The following SHOC1 variants were observed in gnomAD, a reference collection of about 807,000 sequenced individuals.
SHOC1 encodes the protein shortage in chiasmata 1, also known as protein shortage in chiasmata 1 ortholog.
Under a neutral mutation model 179.2 loss-of-function variants are expected in SHOC1, and 136 were observed. The observed-to-expected ratio is 0.76, with a 90% CI of 0.66 to 0.87. The LOEUF (loss-of-function observed/expected upper bound fraction) is 0.87. Ranked by LOEUF, SHOC1 falls within the 40% of genes least tolerant of loss-of-function variation. The pLI is 0.00. For synonymous variants in SHOC1, 489 were observed against 586.6 expected (o/e 0.83, Z 2.41); for missense variants, 1,538 against 1,700.8 (o/e 0.90, Z 1.68).
At chr9:111,719,638 T>C (rs1002297504) in intron 15 of SHOC1, among the ~76,000 whole-genome samples, 3 of 152,142 alleles carry the variant, frequency 2.0e-5, no homozygotes, top group Admixed American at 6.6e-5. Flanking sequence ...AGTATAATCA[T>C]TACCAGAATG....
intron 13 of SHOC1, among the ~76,000 whole-genome samples, chr9:111,724,930 T>C (rs1474296448): frequency 6.6e-6 from 1 of 152,038 alleles, no homozygotes. Flanking sequence ...ATCTAATAAA[T>C]GTTAGTTTTT....
At chr9:111,724,344 C>A (rs1833202548) in intron 13 of SHOC1, among the ~76,000 whole-genome samples, 1 of 151,574 alleles carries the variant, frequency 6.6e-6, no homozygotes, top group Non-Finnish European at 1.5e-5. Context: ...AATTCTTTTT[C>A]TTTTCTTTTT....
intron 16 of SHOC1, among the ~76,000 whole-genome samples, chr9:111,714,975 CTTGGTA>C (rs1373128423): frequency 6.6e-6 from 1 of 152,124 alleles, no homozygotes; most frequent in Non-Finnish European, 1.5e-5. Flanking sequence ...GTGGAATTTT[CTTGGTA>C]TTTTATCCGT....
Position 111,701,596 on chromosome 9 carries a change from A to G in SHOC1, c.3089+509T>C, listed in dbSNP as rs531455489. Among the ~76,000 whole-genome samples, 9 of 152,312 alleles carry G rather than the reference A, an allele frequency of 5.9e-5. No homozygotes were observed. The South Asian group carries it at 1.4e-3, about 25-fold the overall frequency. On this transcript the variant is annotated intron_variant, in intron 23 of 27. Transcript: ENST00000682961. ...CTTAAAATGCTTTACAAGAAAGTTC[A>G]AAGCTTAAAATGCTTTACGCCCTTT... is the stretch of plus-strand genomic sequence containing the variant.
At chr9:111,727,338 A>G (rs1833343283) in intron 13 of SHOC1, among the ~76,000 whole-genome samples, 2 of 152,200 alleles carry the variant, frequency 1.3e-5, no homozygotes, top group Admixed American at 1.3e-4. Context: ...TAGAGATACT[A>G]TGAATTTGTA....
chr9:111,739,094 T>C (rs1475147278), intron 11 of SHOC1, among the ~76,000 whole-genome samples: 1 of 152,028 alleles, frequency 6.6e-6, no homozygotes, highest in Non-Finnish European at 1.5e-5. Flanking sequence ...GGATTATAAA[T>C]TTTGAAACTC....
chr9:111,718,017 A>C (rs968910529), intron 16 of SHOC1, among the ~76,000 whole-genome samples, 167 bp downstream of exon 16: 2 of 152,216 alleles, frequency 1.3e-5, no homozygotes, highest in Non-Finnish European at 2.9e-5. Context: ...AGCAGAATAA[A>C]ATGTATATAT....
intron 12 of SHOC1, among the ~76,000 whole-genome samples, chr9:111,729,460 A>G (rs1833466059): frequency 6.6e-6 from 1 of 152,112 alleles, no homozygotes; most frequent in South Asian, 2.1e-4. Flanking sequence ...GGTGGTTGCT[A>G]AAGGTTGGTG....
At chr9:111,767,491 G>T (rs543435661) in intron 5 of SHOC1, among the ~76,000 whole-genome samples, 41 of 152,240 alleles carry the variant, frequency 2.7e-4, no homozygotes, top group African/African-American at 9.1e-4. Context: ...AGATGAGTTA[G>T]CTGTAAATGA....
At chr9:111,701,209 TCAAA>T (rs774675924) in intron 23 of SHOC1, among the ~76,000 whole-genome samples, 3 of 152,196 alleles carry the variant, frequency 2.0e-5, no homozygotes, top group Non-Finnish European at 4.4e-5. Context: ...CTAACATAAT[TCAAA>T]CAATTTCTTT....
chr9:111,710,708 G>A (rs1372328988), intron 18 of SHOC1, among the ~76,000 whole-genome samples: 1 of 152,086 alleles, frequency 6.6e-6, no homozygotes, highest in Non-Finnish European at 1.5e-5. Context: ...TGGCCTGAGA[G>A]CACAGAGGAA....
At position 111,693,413 on chromosome 9, in the gene SHOC1, C is replaced by T. The variant is rs190140089; in HGVS notation, c.3465+386G>A. Among the ~76,000 whole-genome samples, 278 of 126,462 alleles carry T rather than the reference C, an allele frequency of 2.2e-3. 2 individuals carry two copies. Among genetic ancestry groups the T allele is most frequent in the African/African-American group, 7.6e-3 (249 of 32,678 alleles). The allele number at this position is 126,462 out of a possible 152,430, so 83.0% of individuals were successfully genotyped here. A position where few individuals can be genotyped will look rare whatever the true frequency, so the allele number is the denominator to read the frequency against. On this transcript the variant is annotated intron_variant, in intron 26 of 27. Transcript: ENST00000682961. ...CAGACTGACCAAGATGGTGAAACCC[C>T]GTTTCTACAAAAAAAAAAAAAAAAA...
At chr9:111,713,497 C>T (rs1304424344) in intron 17 of SHOC1, among the ~76,000 whole-genome samples, 2 of 152,124 alleles carry the variant, frequency 1.3e-5, no homozygotes, top group Non-Finnish European at 2.9e-5. Flanking sequence ...GGAGAAAACC[C>T]GTGATCTGCT....
At position 111,727,858 on chromosome 9, in the gene SHOC1, C is replaced by G; in HGVS notation, c.1609G>C (p.Val537Leu). The change falls in exon 13 of 28, where the codon GTA becomes CTA. Residue 537 changes from valine to leucine, a missense_variant. Val to Leu is a conservative substitution (Grantham distance 32, BLOSUM62 1). Coordinates refer to ENST00000682961, the MANE Select transcript of SHOC1 (RefSeq NM_001378211.1). ...EEKPKNDQEPVNRIIQKKENN... is the reference protein window; with the variant it reads ...EEKPKNDQEPLNRIIQKKENN... ...TCTTTCTTTTGGATTATTCTGTTTA[C>G]TGGTTCTTGGTCATTCTTTGGTTTT... The G allele has an allele frequency of 6.2e-7, 1 of 1,612,624 alleles. No homozygotes were observed. Among genetic ancestry groups the G allele is most frequent in the Non-Finnish European group, 8.5e-7 (1 of 1,179,478 alleles).
chr9:111,693,747 C>A, intron 26 of SHOC1, 52 bp downstream of exon 26: 3 of 1,200,302 alleles, frequency 2.5e-6, no homozygotes, highest in South Asian at 2.1e-5. Context: ...AATAGATACT[C>A]AAATCGAAAG....
intron 12 of SHOC1, among the ~76,000 whole-genome samples, chr9:111,737,705 C>T (rs998523404): frequency 1.4e-5 from 2 of 147,280 alleles, no homozygotes; most frequent in African/African-American, 5.1e-5. Context: ...CCCCCACACA[C>T]AAAATATATA....
chr9:111,733,290 T>A (rs1833671702), intron 12 of SHOC1, among the ~76,000 whole-genome samples: 1 of 149,190 alleles, frequency 6.7e-6, no homozygotes, highest in African/African-American at 2.5e-5. Flanking sequence ...TAGTTTATAA[T>A]TTTTTTTTTG....
At chr9:111,716,072 T>C (rs1254060354) in intron 16 of SHOC1, among the ~76,000 whole-genome samples, 1 of 152,072 alleles carries the variant, frequency 6.6e-6, no homozygotes, top group African/African-American at 2.4e-5. Flanking sequence ...TCAAGAGGTA[T>C]AGAGGAAAGA....
chr9:111,747,451 T>C (rs1284954724), intron 9 of SHOC1, among the ~76,000 whole-genome samples: 1 of 152,208 alleles, frequency 6.6e-6, no homozygotes, highest in Non-Finnish European at 1.5e-5. Context: ...GCAAGATTGC[T>C]AATATTGAGA....
Sources: gnomAD v4.1 joint callset for allele counts (sites outside exome capture counted in the v4.1 genomes callset) on GRCh38, gnomAD v4.1.1 for gene constraint, MANE v1.5 for transcripts, NCBI Gene and HGNC (gene_info 2026-07-23, HGNC 2026-07-21) for gene names.